Variants in DGKD observed in about 807,000 individuals in gnomAD.
The protein encoded by DGKD is DAG kinase delta.
A neutral mutation model predicts 154.4 loss-of-function variants in DGKD; 68 were observed. The observed-to-expected ratio is 0.44, with a 90% confidence interval of 0.36 to 0.54. DGKD has a LOEUF of 0.54. Among genes scored for constraint, DGKD ranks in the 20% least tolerant of loss-of-function variants. DGKD has a pLI of 0.00. For synonymous variants in DGKD, 693 were observed against 638.0 expected (o/e 1.09, Z -1.30); for missense variants, 1,343 against 1,593.6 (o/e 0.84, Z 2.68).
intron 3 of DGKD, chr2:233,419,564 A>C: frequency 2.0e-6 from 1 of 509,328 alleles, no homozygotes; most frequent in Non-Finnish European, 2.5e-6. Context: ...TGTATGTCTT[A>C]GAAATGGAAG....
chr2:233,469,921 G>C lies in DGKD; in HGVS notation c.*461G>C, dbSNP rs1343004685. On this transcript the variant is annotated 3_prime_UTR_variant, in exon 30 of 30. Coordinates refer to ENST00000264057, the MANE Select transcript of DGKD (RefSeq NM_152879.3). ...TTCTCAGAAACGTGGCTGGGGCCCAGCACAGCAGCCTGCAAGGGCCCCTGT... is the reference window on the plus strand; with the variant it reads ...TTCTCAGAAACGTGGCTGGGGCCCACCACAGCAGCCTGCAAGGGCCCCTGT... 6.4e-6 allele frequency: 1 copy of C among 156,892 alleles called. No homozygotes were observed. 9.7% of individuals were successfully genotyped at this position (156,892 alleles called of 1,614,324 possible).
At chr2:233,446,042 C>T (rs1292176230) in intron 11 of DGKD, among the ~76,000 whole-genome samples, 1 of 151,932 alleles carries the variant, frequency 6.6e-6, no homozygotes, top group East Asian at 1.9e-4. Context: ...GCAGCTGTGC[C>T]ATCTTTGGCT....
intron 3 of DGKD, among the ~76,000 whole-genome samples, chr2:233,412,259 G>A (rs781033536): frequency 2.0e-5 from 3 of 152,130 alleles, no homozygotes; most frequent in Non-Finnish European, 4.4e-5. Flanking sequence ...ACATTAACAC[G>A]ATCTCTCTCT....
rs556793888 is a variant in DGKD, at chr2:233,414,559, C to T, written c.349-19821C>T. Among the ~76,000 whole-genome samples, 3 of 152,280 alleles carry T rather than the reference C, an allele frequency of 2.0e-5. No homozygotes were observed. In the East Asian group the frequency reaches 5.8e-4, roughly 29 times the overall value. On this transcript the variant is annotated intron_variant, in intron 3 of 29. Coordinates refer to ENST00000264057, the MANE Select transcript of DGKD (RefSeq NM_152879.3). ...GGTGACTTGGCCAACTGTCTTGTGGCCCCAGCTCCTGACATTACAATGTGA... is the reference window on the plus strand; with the variant it reads ...GGTGACTTGGCCAACTGTCTTGTGGTCCCAGCTCCTGACATTACAATGTGA...
chr2:233,456,774 G>A, intron 19 of DGKD, 125 bp from the exon 20 acceptor site: 1 of 722,180 alleles, frequency 1.4e-6, no homozygotes, highest in Non-Finnish European at 2.4e-6. Flanking sequence ...TGTTACTGCT[G>A]TAAATAATTG....
rs773665765 is a variant in DGKD, at chr2:233,449,413, G to GGA, written c.1888+37_1888+38insGA. 37 of 1,567,102 alleles carry GGA rather than the reference G, an allele frequency of 2.4e-5. No individual in the cohort carries two copies. The highest frequency in any genetic ancestry group is 2.6e-6 in the Non-Finnish European group (3 of 1,149,826). On this transcript the variant is annotated intron_variant, in intron 15 of 29. Coordinates refer to ENST00000264057, the MANE Select transcript of DGKD (RefSeq NM_152879.3). The surrounding 1 kb of genome is among the most constrained non-coding windows in gnomAD (Gnocchi z 5.3). ...TGTGATGAGGAGGGGCTTTCCTCAGGCCAGCACTGGGCATGCCCAGCGTCC... is the reference window on the plus strand; with the variant it reads ...TGTGATGAGGAGGGGCTTTCCTCAGGGACCAGCACTGGGCATGCCCAGCGTCC...
rs75779415 is a variant in DGKD, at chr2:233,425,635, C to T, written c.349-8745C>T. 6.1e-3 allele frequency among the ~76,000 whole-genome samples: 925 copies of T among 152,292 alleles called. 14 individuals carry two copies. The highest frequency in any genetic ancestry group is 0.021 in the African/African-American group (865 of 41,564). On this transcript the variant is annotated intron_variant, in intron 3 of 29. Transcript: ENST00000264057. The stretch of plus-strand genomic sequence containing the variant: ...GACTAATATTAGTGTTTTCTCTGTA[C>T]CCATACTCTTCCTGCAATTGGCTTT...
rs2063959735 is a variant in DGKD at position 233,470,028 on chromosome 2, T to C, written c.*568T>C. The C allele has an allele frequency of 1.3e-5, 2 of 152,396 alleles. No individual in the cohort carries two copies. The highest frequency in any genetic ancestry group is 4.8e-5 in the African/African-American group (2 of 41,442). The allele number at this position is 152,396 out of a possible 1,614,324, so 9.4% of individuals were successfully genotyped here. A position where few individuals can be genotyped will look rare whatever the true frequency, so the allele number is the denominator to read the frequency against. On this transcript the variant is annotated 3_prime_UTR_variant, in exon 30 of 30. Transcript: ENST00000264057. ...CATGGATGTTTCCAGTCTTGTTGATTGTAATTTGACGTGAAGAGAAAAAAA... is the reference window on the plus strand; with the variant it reads ...CATGGATGTTTCCAGTCTTGTTGATCGTAATTTGACGTGAAGAGAAAAAAA...
rs568350536 is a variant in DGKD, at chr2:233,463,669, T to TCCTCACTCCACGCATCA, written c.3187-466_3187-450dup. The TCCTCACTCCACGCATCA allele has an allele frequency of 2.4e-4, 43 of 180,078 alleles. 3 individuals are homozygous for TCCTCACTCCACGCATCA. Among genetic ancestry groups the TCCTCACTCCACGCATCA allele is most frequent in the African/African-American group, 6.7e-4 (24 of 35,768 alleles). The allele number at this position is 180,078 out of a possible 1,614,324, so 11.2% of individuals were successfully genotyped here. A position where few individuals can be genotyped will look rare whatever the true frequency, so the allele number is the denominator to read the frequency against. On this transcript the variant is annotated intron_variant, in intron 26 of 29. Transcript: ENST00000264057. ...CACGCATGTCCTCACTGCACGCATC[T>TCCTCACTCCACGCATCA]CCTCACTCCACGCATCACCTCACTC... is the stretch of plus-strand genomic sequence containing the variant.
rs1414813983 is a variant in DGKD, at chr2:233,462,679, A to G, written c.3130A>G (p.Asn1044Asp). Residue 1044 changes from asparagine (N) to aspartate (D), a missense_variant, in exon 26 of 30, where the codon AAC becomes GAC. Asn to Asp is a conservative substitution (Grantham distance 23). Transcript: ENST00000264057. ...CAGCTTCGTCCTGGAAATGGTGAAT[A>G]ACTTCAGAGCTCTGCGCAGTGAGAC... ...NCSFVLEMVN[N>D]FRALRSETEL... 1 of 1,614,118 alleles carries G rather than the reference A, an allele frequency of 6.2e-7. No homozygotes were observed. Among genetic ancestry groups the G allele is most frequent in the East Asian group, 2.2e-5 (1 of 44,874 alleles).
chr2:233,461,255 C>A (rs115615416), intron 24 of DGKD, among the ~76,000 whole-genome samples: 4,613 of 152,332 alleles, frequency 0.03, 220 homozygotes, highest in African/African-American at 0.11. Context: ...GGCTGGTGCC[C>A]TGGTGTCCCT....
intron 1 of DGKD, among the ~76,000 whole-genome samples, chr2:233,380,416 G>GGCTA (rs1259471765): frequency 6.6e-6 from 1 of 152,204 alleles, no homozygotes; most frequent in Admixed American, 6.5e-5. Context: ...GACCCACACT[G>GGCTA]GCTACCTTGT....
chr2:233,434,459 CTG>C lies in DGKD; in HGVS notation c.431_432del (p.Val144AlafsTer7). 1 of 1,614,110 alleles carries C rather than the reference CTG, an allele frequency of 6.2e-7. No individual in the cohort carries two copies. The highest frequency in any genetic ancestry group is 8.5e-7 in the Non-Finnish European group (1 of 1,179,990). On this transcript the variant is annotated frameshift_variant, in exon 4 of 30. Coordinates refer to ENST00000264057, the MANE Select transcript of DGKD (RefSeq NM_152879.3). LOFTEE classifies it high-confidence loss of function. ...GAAGATTGGATTGCAGCATTAAAGA[CTG>C]TGCAGAACAGGGAGCACTTTGAGGT...
rs2063756898 is a variant in DGKD at position 233,464,195 on chromosome 2, G to C, written c.3218G>C (p.Gly1073Ala). The C allele has an allele frequency of 4.3e-6, 7 of 1,613,632 alleles. No individual in the cohort carries two copies. The highest frequency in any genetic ancestry group is 5.9e-6 in the Non-Finnish European group (7 of 1,180,036). ...GATCCGCCTCAGAAGGAGCAGCTGGGGAGTGCTCTTGCCGAGATGGACCGA... is the reference window on the plus strand; with the variant it reads ...GATCCGCCTCAGAAGGAGCAGCTGGCGAGTGCTCTTGCCGAGATGGACCGA... ...QLDPPQKEQL[G>A]SALAEMDRQL... The change falls in exon 27 of 30, where the codon GGG becomes GCG. Residue 1073 changes from glycine (G) to alanine (A), a missense_variant. Gly to Ala is a moderately conservative substitution (Grantham distance 60, BLOSUM62 0). Coordinates refer to ENST00000264057, the MANE Select transcript of DGKD (RefSeq NM_152879.3).
chr2:233,366,293 A>C (rs1478101212), intron 1 of DGKD, among the ~76,000 whole-genome samples: 1 of 152,170 alleles, frequency 6.6e-6, no homozygotes, highest in African/African-American at 2.4e-5. Flanking sequence ...CGGTTGCCTG[A>C]GTGGATGCTG....
chr2:233,431,904 C>A (rs989755626), intron 3 of DGKD, among the ~76,000 whole-genome samples: 27 of 152,258 alleles, frequency 1.8e-4, no homozygotes, highest in African/African-American at 5.1e-4. Context: ...TTGGACTGGG[C>A]AAAGGTTTCT....
Position 233,457,721 on chromosome 2 carries a change from G to A in DGKD, c.2580+393G>A. The A allele has an allele frequency of 7.6e-6, 3 of 392,476 alleles. No homozygotes were observed. Among genetic ancestry groups the A allele is most frequent in the Middle Eastern group, 5.2e-4 (1 of 1,938 alleles). The allele number at this position is 392,476 out of a possible 1,614,324, so 24.3% of individuals were successfully genotyped here. On this transcript the variant is annotated intron_variant, in intron 21 of 29. Coordinates refer to ENST00000264057, the MANE Select transcript of DGKD (RefSeq NM_152879.3). This position sits in a 1 kb window ranked among gnomAD's most constrained non-coding sequence, Gnocchi z 5.5. ...AGATGAAGGCTCAGAGTCAAGACAGGGCAGGCACATGGAGGATGGGAGAGA... is the reference window on the plus strand; with the variant it reads ...AGATGAAGGCTCAGAGTCAAGACAGAGCAGGCACATGGAGGATGGGAGAGA...
chr2:233,394,669 T>C, intron 3 of DGKD, among the ~76,000 whole-genome samples: 1 of 150,986 alleles, frequency 6.6e-6, no homozygotes, highest in Admixed American at 6.6e-5. Context: ...TTAGTTTTCC[T>C]TATTATTTTG....
chr2:233,381,011 G>C (rs1039726571), intron 1 of DGKD, among the ~76,000 whole-genome samples: 4 of 152,188 alleles, frequency 2.6e-5, no homozygotes, highest in African/African-American at 9.7e-5. Flanking sequence ...GGTAAGGGAA[G>C]GATGACTGTC....
Sources: allele counts gnomAD v4.1 joint callset (sites outside exome capture counted in the v4.1 genomes callset), GRCh38; gene constraint gnomAD v4.1.1; non-coding constraint Gnocchi (gnomAD v3.1); transcripts MANE v1.5; gene names NCBI Gene and HGNC (gene_info 2026-07-23, HGNC 2026-07-21).